TMEM232: variants seen among roughly 807,000 people sequenced by gnomAD.
TMEM232 encodes transmembrane protein 232.
A neutral mutation model predicts 78.8 loss-of-function variants in TMEM232; 80 were observed. The ratio of observed to expected loss-of-function variants is 1.01; its 90% CI spans 0.85 to 1.22. TMEM232 has a LOEUF of 1.22. Among genes scored for constraint, TMEM232 ranks in the 50% most tolerant of loss-of-function variants. The probability of loss-of-function intolerance (pLI) is 0.00; values close to 1 mark genes in which losing one functional copy is unlikely to be tolerated. For missense variants in TMEM232, 881 were observed against 742.2 expected (o/e 1.19, Z -2.17); for synonymous variants, 297 against 254.3 (o/e 1.17, Z -1.60).
At chr5:110,664,117 G>A (rs1483503169) in intron 2 of TMEM232, among the ~76,000 whole-genome samples, 1 of 152,040 alleles carries the variant, frequency 6.6e-6, no homozygotes, top group East Asian at 1.9e-4. Context: ...TCCAGCCTGG[G>A]AGATAGAGAA....
chr5:110,456,464 A>C (rs1760911146), intron 12 of TMEM232, among the ~76,000 whole-genome samples: 1 of 152,164 alleles, frequency 6.6e-6, no homozygotes, highest in Non-Finnish European at 1.5e-5. Context: ...GAAGATGTCA[A>C]TACTTTTTAA....
intron 2 of TMEM232, among the ~76,000 whole-genome samples, chr5:110,411,772 T>C (rs1473120130): frequency 6.6e-6 from 1 of 152,210 alleles, no homozygotes; most frequent in Non-Finnish European, 1.5e-5. Flanking sequence ...CAGAATGTCT[T>C]TTTAAAGGCT....
At chr5:110,470,332 G>A (rs548285850) in intron 12 of TMEM232, among the ~76,000 whole-genome samples, 15 of 152,020 alleles carry the variant, frequency 9.9e-5, no homozygotes, top group African/African-American at 3.4e-4. Flanking sequence ...GTTCTGTGAG[G>A]AATCCACATT....
At chr5:110,597,527 T>C (rs1780317803) in intron 10 of TMEM232, among the ~76,000 whole-genome samples, 1 of 151,822 alleles carries the variant, frequency 6.6e-6, no homozygotes, top group South Asian at 2.1e-4. Flanking sequence ...AAAGTTCATA[T>C]GGAACCAAAA....
intron 10 of TMEM232, among the ~76,000 whole-genome samples, chr5:110,574,324 T>C (rs1375140644): frequency 1.3e-5 from 2 of 152,112 alleles, no homozygotes; most frequent in African/African-American, 4.8e-5. Flanking sequence ...ATTTAACTCT[T>C]TGAAGTAATC....
chr5:110,418,552 T>C (rs1756359882), downstream of TMEM232, among the ~76,000 whole-genome samples: 1 of 152,144 alleles, frequency 6.6e-6, no homozygotes, highest in Admixed American at 6.5e-5. Context: ...CCTTTCTCTA[T>C]ATATCTATAT....
chr5:110,439,820 T>C (rs1228770443), intron 12 of TMEM232, among the ~76,000 whole-genome samples: 1 of 152,136 alleles, frequency 6.6e-6, no homozygotes, highest in Non-Finnish European at 1.5e-5. Context: ...CAGAATTTTA[T>C]AGTCCTGGGC....
At chr5:110,416,851 A>G (rs1261371270), downstream of TMEM232, among the ~76,000 whole-genome samples, 1 of 152,130 alleles carries the variant, frequency 6.6e-6, no homozygotes, top group Non-Finnish European at 1.5e-5. Context: ...GATATTTTAG[A>G]TATTTTATTC....
intron 7 of TMEM232, among the ~76,000 whole-genome samples, chr5:110,621,041 T>G (rs1393590521): frequency 6.6e-6 from 1 of 151,682 alleles, no homozygotes. Flanking sequence ...TTTTATATTT[T>G]TAGTACAGAC....
intron 11 of TMEM232, 60 bp from the exon 12 acceptor site, chr5:110,528,895 C>T (rs765998035): frequency 2.1e-5 from 26 of 1,223,780 alleles, no homozygotes; most frequent in African/African-American, 4.7e-5. Context: ...GAAAAAAAAT[C>T]GTGTATTATT....
At chr5:110,708,048 T>C (rs1431039360) in intron 1 of TMEM232, among the ~76,000 whole-genome samples, 2 of 152,128 alleles carry the variant, frequency 1.3e-5, no homozygotes, top group Non-Finnish European at 2.9e-5. Flanking sequence ...GGTGAGACTC[T>C]AAGACATGCT....
intron 9 of TMEM232, 148 bp from the exon 10 acceptor site, chr5:110,605,506 CTG>C (rs1781438638): frequency 1.2e-6 from 1 of 813,886 alleles, no homozygotes; most frequent in African/African-American, 1.8e-5. Flanking sequence ...CATGAGTAGA[CTG>C]CATAAAATAC....
chr5:110,730,231 A>C (rs1441089057), upstream of TMEM232, among the ~76,000 whole-genome samples: 1 of 152,230 alleles, frequency 6.6e-6, no homozygotes, highest in Non-Finnish European at 1.5e-5. Flanking sequence ...TACTGCAATT[A>C]CCTTCCTAGA....
chr5:110,499,633 C>CG (rs147124892), intron 12 of TMEM232, among the ~76,000 whole-genome samples: 5,431 of 113,238 alleles, frequency 0.048, 328 homozygotes, highest in East Asian at 0.3. Context: ...ATACACCCCC[C>CG]CCCACACACA....
At chr5:110,726,521 T>C (rs907674195) in intron 1 of TMEM232, 106 bp downstream of exon 1, 2 of 152,288 alleles carry the variant, frequency 1.3e-5, no homozygotes, top group African/African-American at 2.4e-5. Flanking sequence ...AGGCTCAGTA[T>C]TCCCCTGTGA....
intron 1 of TMEM232, among the ~76,000 whole-genome samples, chr5:110,713,561 CTT>C (rs1181399419): frequency 2.6e-5 from 4 of 151,732 alleles, no homozygotes; most frequent in African/African-American, 7.3e-5. Flanking sequence ...AAAAATAAGA[CTT>C]AAGTTTATGA....
intron 10 of TMEM232, among the ~76,000 whole-genome samples, chr5:110,588,872 T>A (rs1193210399): frequency 1.3e-5 from 2 of 152,000 alleles, no homozygotes; most frequent in Non-Finnish European, 2.9e-5. Flanking sequence ...TATTTTGGGG[T>A]CTATCATTCA....
At chr5:110,571,636 C>G (rs867605873) in intron 10 of TMEM232, among the ~76,000 whole-genome samples, 9 of 151,588 alleles carry the variant, frequency 5.9e-5, no homozygotes, top group African/African-American at 2.2e-4. Context: ...CTAGCTTGGG[C>G]AAAATACCGA....
upstream of TMEM232, among the ~76,000 whole-genome samples, chr5:110,730,355 G>C (rs955663557): frequency 1.8e-4 from 27 of 152,132 alleles, no homozygotes; most frequent in African/African-American, 6.5e-4. Flanking sequence ...AATTAATATT[G>C]ATTTTGTAAT....
Sources: gnomAD v4.1 joint callset for allele counts (sites outside exome capture counted in the v4.1 genomes callset) on GRCh38, gnomAD v4.1.1 for gene constraint, MANE v1.5 for transcripts, NCBI Gene and HGNC (gene_info 2026-07-23, HGNC 2026-07-21) for gene names.